COL18A1: variants seen among roughly 807,000 people sequenced by gnomAD.
COL18A1 encodes collagen type XVIII alpha 1 chain.
In COL18A1, 133 loss-of-function variants were observed where a neutral mutation model predicts 168.0. The ratio of observed to expected loss-of-function variants is 0.79; its 90% confidence interval spans 0.69 to 0.91. COL18A1 has a LOEUF of 0.91. COL18A1 is among the 40% of genes least tolerant of loss of function. The probability of loss-of-function intolerance (pLI) is 0.00; values close to 1 mark genes in which losing one functional copy is unlikely to be tolerated. For missense variants in COL18A1, 2,126 were observed against 1,925.4 expected (o/e 1.10, Z -1.95); for synonymous variants, 949 against 809.0 (o/e 1.17, Z -2.94).
At chr21:45,437,786 TCACACA>T (rs773352171) in intron 2 of COL18A1, among the ~76,000 whole-genome samples, 1 of 20,132 alleles carries the variant, frequency 5.0e-5, no homozygotes. Flanking sequence ...ACACACTCAC[TCACACA>T]CAGACACACA....
chr21:45,429,689 G>A lies in COL18A1; in HGVS notation c.106+24216G>A, dbSNP rs566489985. 5.3e-5 allele frequency among the ~76,000 whole-genome samples: 8 copies of A among 152,288 alleles called. No individual in the cohort carries two copies. In the South Asian group the frequency reaches 6.2e-4, roughly 12 times the overall value. On this transcript the variant is annotated intron_variant, in intron 2 of 41. Transcript: ENST00000651438. Reference sequence around the variant, plus strand: ...AGCTGGGAGCCTGACTGCGGGTGACGGACAGGCTCTGGCAGCCCCTGTCAG... The same window carrying A: ...AGCTGGGAGCCTGACTGCGGGTGACAGACAGGCTCTGGCAGCCCCTGTCAG...
intron 17 of COL18A1, 150 bp downstream of exon 17, chr21:45,487,659 C>T (rs759439958): frequency 8.3e-6 from 8 of 962,750 alleles, no homozygotes; most frequent in African/African-American, 4.8e-5. Flanking sequence ...CGCTGTGCCC[C>T]GCGGGCCACC....
rs537323761 is a variant in COL18A1 at position 45,455,913 on chromosome 21, G to T, written c.107-12329G>T. On this transcript the variant is annotated intron_variant, in intron 2 of 41. Coordinates refer to ENST00000651438, the MANE Select transcript of COL18A1 (RefSeq NM_001379500.1). ...GGCATCCGGAGCTTCGTCCAGCTGT[G>T]GAATGACACTGTCCCCACTGAGAGC... 10 of 1,613,080 alleles carry T rather than the reference G, an allele frequency of 6.2e-6. No individual in the cohort carries two copies. The African/African-American group carries it at 1.3e-4, about 21-fold the overall frequency.
In COL18A1 at chr21:45,512,473, G is replaced by T; in HGVS notation, c.*75G>T. 1 of 1,429,274 alleles carries T rather than the reference G, an allele frequency of 7.0e-7. No homozygotes were observed. Among genetic ancestry groups the T allele is most frequent in the Admixed American group, 1.9e-5 (1 of 51,536 alleles). 88.5% of individuals were successfully genotyped at this position (1,429,274 alleles called of 1,614,324 possible). A position where few individuals can be genotyped will look rare whatever the true frequency, so the allele number is the denominator to read the frequency against. ...CCCCCACCGTGGGCAGGGAGCGGCC[G>T]GCCAGCCCCTGGCCCCAGGACCTGG... On this transcript the variant is annotated 3_prime_UTR_variant, in exon 42 of 42. Transcript: ENST00000651438.
At chr21:45,426,598 C>T (rs80019909) in intron 2 of COL18A1, among the ~76,000 whole-genome samples, 50 of 152,318 alleles carry the variant, frequency 3.3e-4, no homozygotes, top group African/African-American at 1.2e-3. Flanking sequence ...GGTCCCTTTC[C>T]GGCCCTGGAA....
rs745392941 is a variant in COL18A1 at position 45,482,366 on chromosome 21, T to C, written c.1674+341T>C. The C allele has an allele frequency of 4.5e-6, 3 of 664,110 alleles. No homozygotes were observed. In the African/African-American group the frequency reaches 5.3e-5, roughly 12 times the overall value. 41.1% of individuals were successfully genotyped at this position (664,110 alleles called of 1,614,324 possible). ...GCAAGGAGCCGGGGCCCCAGGCGTT[T>C]GTGGGTGGACCTGGCGGGAGTCGCC... On this transcript the variant is annotated intron_variant, in intron 14 of 41. Transcript: ENST00000651438.
chr21:45,478,851 G>A (rs367604745), intron 9 of COL18A1, among the ~76,000 whole-genome samples: 60 of 152,318 alleles, frequency 3.9e-4, no homozygotes, highest in African/African-American at 1.2e-3. Flanking sequence ...GGTAACACTC[G>A]GCAGAAAGTG....
chr21:45,458,634 G>A (rs1391897092), intron 2 of COL18A1, among the ~76,000 whole-genome samples: 2 of 152,218 alleles, frequency 1.3e-5, no homozygotes, highest in Non-Finnish European at 2.9e-5. Flanking sequence ...CCTTGCAGGA[G>A]CCGTACTGAC....
chr21:45,444,343 G>C (rs900278667), intron 2 of COL18A1, among the ~76,000 whole-genome samples: 1 of 139,732 alleles, frequency 7.2e-6, no homozygotes, highest in Non-Finnish European at 1.6e-5. Context: ...GTGTAGTGAG[G>C]TGCGTGCAGG....
chr21:45,431,427 T>G (rs6417727), intron 2 of COL18A1, among the ~76,000 whole-genome samples: 10,477 of 24,622 alleles, frequency 0.43, 825 homozygotes, highest in African/African-American at 0.52. Context: ...CCAGGGGAGG[T>G]GGGCAGGCAG....
Position 45,504,503 on chromosome 21 carries a change from GGCCCCCCC to G in COL18A1, c.2817_2824del (p.Gly942ArgfsTer142). ...CGGTTTCTTCGGCTCCAGCCTGCCC[GGCCCCCCC>G]GGCCCCCCAGGCCCCCCAGGCCCAC... On this transcript the variant is annotated frameshift_variant, in exon 34 of 42. Coordinates refer to ENST00000651438, the MANE Select transcript of COL18A1 (RefSeq NM_001379500.1). LOFTEE classifies it high-confidence loss of function. 2.9e-6 allele frequency: 4 copies of G among 1,388,932 alleles called. No homozygotes were observed. Among genetic ancestry groups the G allele is most frequent in the Non-Finnish European group, 3.8e-6 (4 of 1,058,184 alleles). The allele number at this position is 1,388,932 out of a possible 1,614,324, so 86.0% of individuals were successfully genotyped here. A position where few individuals can be genotyped will look rare whatever the true frequency, so the allele number is the denominator to read the frequency against.
rs73909563 is a variant in COL18A1, at chr21:45,455,438, C to A, written c.107-12804C>A. 1,686 of 1,565,742 alleles carry A rather than the reference C, an allele frequency of 1.1e-3. 18 individuals carry two copies. The African/African-American group carries it at 0.02, about 18-fold the overall frequency. Reference sequence around the variant, plus strand: ...AGCCGGCCAGAGGCTGGGAAGCCTGCACAGGGGAGGGCAGGAGGGCGTGAG... The same window carrying A: ...AGCCGGCCAGAGGCTGGGAAGCCTGAACAGGGGAGGGCAGGAGGGCGTGAG... On this transcript the variant is annotated intron_variant, in intron 2 of 41. Coordinates refer to ENST00000651438, the MANE Select transcript of COL18A1 (RefSeq NM_001379500.1).
In COL18A1 at chr21:45,477,836, T is replaced by A; in HGVS notation, c.1092T>A (p.Gly364=). ...AGPPGSPCLP[G]PPGLPCPVSP... ...CCCCAGGATCCCCATGCCTACCTGGTCCCCCGGGTCTCCCGTGCCCAGTGA... is the reference window on the plus strand; with the variant it reads ...CCCCAGGATCCCCATGCCTACCTGGACCCCCGGGTCTCCCGTGCCCAGTGA... The change falls in exon 8 of 42, where the codon GGT becomes GGA. Residue 364 remains glycine, a synonymous_variant. Coordinates refer to ENST00000651438, the MANE Select transcript of COL18A1 (RefSeq NM_001379500.1). 6.4e-7 allele frequency: 1 copy of A among 1,552,658 alleles called. No homozygotes were observed. Among genetic ancestry groups the A allele is most frequent in the Non-Finnish European group, 8.7e-7 (1 of 1,147,944 alleles).
At chr21:45,465,348 G>C (rs1368159856) in intron 2 of COL18A1, among the ~76,000 whole-genome samples, 2 of 152,106 alleles carry the variant, frequency 1.3e-5, no homozygotes, top group Admixed American at 1.3e-4. Flanking sequence ...TCCACCCGGG[G>C]ACAGGGGCCC....
At chr21:45,501,708 T>C (rs1298263681) in intron 32 of COL18A1, among the ~76,000 whole-genome samples, 2 of 138,734 alleles carry the variant, frequency 1.4e-5, no homozygotes, top group African/African-American at 5.3e-5. Flanking sequence ...CCACAGCCGG[T>C]CACCTCCCTC....
At chr21:45,482,386 G>A in intron 14 of COL18A1, 1 of 640,646 alleles carries the variant, frequency 1.6e-6, no homozygotes, top group South Asian at 1.5e-5. Flanking sequence ...CCTGGCGGGA[G>A]TCGCCTGCGT....
Position 45,496,584 on chromosome 21 carries a change from A to G in COL18A1, c.2577+16A>G, listed in dbSNP as rs1417820935. ...CGACAGCAATGTAAGTCCCCAGGGC[A>G]CCCACTGTCCTACAGCCACCCTTGG... On this transcript the variant is annotated intron_variant, in intron 30 of 41. Coordinates refer to ENST00000651438, the MANE Select transcript of COL18A1 (RefSeq NM_001379500.1). 1 of 1,282,892 alleles carries G rather than the reference A, an allele frequency of 7.8e-7. No individual in the cohort carries two copies. Among genetic ancestry groups the G allele is most frequent in the East Asian group, 2.3e-5 (1 of 43,110 alleles). 79.5% of individuals were successfully genotyped at this position (1,282,892 alleles called of 1,614,324 possible). A position where few individuals can be genotyped will look rare whatever the true frequency, so the allele number is the denominator to read the frequency against.
intron 15 of COL18A1, among the ~76,000 whole-genome samples, chr21:45,483,996 G>GCA (rs36145639): frequency 0.053 from 2,087 of 39,480 alleles, 403 homozygotes; most frequent in Admixed American, 0.083. Flanking sequence ...ATGTACACAT[G>GCA]CACACACACC....
chr21:45,430,045 C>T (rs567306270), intron 2 of COL18A1, among the ~76,000 whole-genome samples: 45 of 126,936 alleles, frequency 3.5e-4, no homozygotes, highest in African/African-American at 1.3e-3. Flanking sequence ...AGCGTTCTCT[C>T]GCCCTCTCCA....
Sources: gnomAD v4.1 joint callset for allele counts (sites outside exome capture counted in the v4.1 genomes callset) on GRCh38, gnomAD v4.1.1 for gene constraint, MANE v1.5 for transcripts, NCBI Gene and HGNC (gene_info 2026-07-23, HGNC 2026-07-21) for gene names.